Variants in FYN observed in about 807,000 individuals in gnomAD.
FYN encodes FYN proto-oncogene, Src family tyrosine kinase.
Under a neutral mutation model 70.2 loss-of-function variants are expected in FYN, and 10 were observed. That is an observed-to-expected ratio of 0.14 (90% CI 0.09 to 0.24). The LOEUF is 0.24. Ranked by LOEUF, FYN falls within the 10% of genes least tolerant of loss-of-function variation. The pLI is 1.00. For missense variants in FYN, 319 were observed against 673.1 expected (o/e 0.47, Z 5.82); for synonymous variants, 236 against 248.6 (o/e 0.95, Z 0.48).
Position 111,694,773 on chromosome 6 carries a change from G to C in FYN, c.1043-69C>G, listed in dbSNP as rs1799502700. 7.2e-7 allele frequency: 1 copy of C among 1,379,996 alleles called. No homozygotes were observed. The highest frequency in any genetic ancestry group is 1.3e-5 in the South Asian group (1 of 77,576). The allele number at this position is 1,379,996 out of a possible 1,614,324, so 85.5% of individuals were successfully genotyped here. A position where few individuals can be genotyped will look rare whatever the true frequency, so the allele number is the denominator to read the frequency against. On this transcript the variant is annotated intron_variant, in intron 10 of 13. Coordinates refer to ENST00000354650, the MANE Select transcript of FYN (RefSeq NM_002037.5). The surrounding 1 kb of genome is among the most constrained non-coding windows in gnomAD (Gnocchi z 5.0). ...AATTCCCAACAGAGAGCTGTATTTGGTTTTCTTATTAAAAGTAATAAGGTA... is the reference window on the plus strand; with the variant it reads ...AATTCCCAACAGAGAGCTGTATTTGCTTTTCTTATTAAAAGTAATAAGGTA...
chr6:111,705,560 T>C (rs1338847850), intron 6 of FYN, among the ~76,000 whole-genome samples: 1 of 152,020 alleles, frequency 6.6e-6, no homozygotes, highest in Non-Finnish European at 1.5e-5. Context: ...AAAATTTTTT[T>C]TGTAGAGGCT....
At chr6:111,844,448 T>G (rs1227290278) in intron 2 of FYN, among the ~76,000 whole-genome samples, 1 of 152,224 alleles carries the variant, frequency 6.6e-6, no homozygotes, top group Non-Finnish European at 1.5e-5. Flanking sequence ...GAAAAGTTGA[T>G]AGATCCGTGT....
At chr6:111,864,676 A>G (rs1000281387) in intron 1 of FYN, among the ~76,000 whole-genome samples, 10 of 152,196 alleles carry the variant, frequency 6.6e-5, no homozygotes, top group Non-Finnish European at 1.5e-4. Flanking sequence ...TGAGACTTCC[A>G]CGGTGGGTAA....
chr6:111,714,120 T>G (rs1324926395), intron 5 of FYN, among the ~76,000 whole-genome samples: 1 of 152,214 alleles, frequency 6.6e-6, no homozygotes, highest in Non-Finnish European at 1.5e-5. Flanking sequence ...ACATGGACTG[T>G]GCTAGTATTT....
intron 1 of FYN, among the ~76,000 whole-genome samples, chr6:111,847,575 T>A (rs1231019551): frequency 4.6e-5 from 7 of 152,142 alleles, no homozygotes; most frequent in African/African-American, 1.7e-4. Flanking sequence ...CTTAAGCTTT[T>A]CAATGTGACT....
intron 13 of FYN, among the ~76,000 whole-genome samples, chr6:111,667,609 G>A (rs1310813648): frequency 2.6e-5 from 4 of 152,154 alleles, no homozygotes; most frequent in African/African-American, 7.2e-5. Flanking sequence ...GCAGAGCACC[G>A]AAATAGATGT....
intron 3 of FYN, among the ~76,000 whole-genome samples, chr6:111,737,280 G>A (rs1329625178): frequency 6.6e-6 from 1 of 152,170 alleles, no homozygotes; most frequent in Non-Finnish European, 1.5e-5. Context: ...TAGAGATAGT[G>A]TCAGATCCTA....
At chr6:111,809,337 T>C (rs1296947749) in intron 2 of FYN, among the ~76,000 whole-genome samples, 4 of 152,320 alleles carry the variant, frequency 2.6e-5, no homozygotes, top group Non-Finnish European at 5.9e-5. Flanking sequence ...CATTCTCTAC[T>C]CTATGGTTAC....
At chr6:111,689,680 T>G (rs1398816536) in intron 12 of FYN, among the ~76,000 whole-genome samples, 1 of 151,912 alleles carries the variant, frequency 6.6e-6, no homozygotes, top group African/African-American at 2.4e-5. Context: ...GACACAAGAG[T>G]AATACTATAG....
Position 111,744,099 on chromosome 6 carries a change from C to CA in FYN, c.-11-24038dup, listed in dbSNP as rs1398236383. Among the ~76,000 whole-genome samples the CA allele has an allele frequency of 7.2e-5, 11 of 152,302 alleles. No homozygotes were observed. In the East Asian group the frequency reaches 2.1e-3, roughly 29 times the overall value. ...CCTTCATGAATAGCTGGAGAAGAGC[C>CA]ATCTTGCCTTCCCCAGAGGAATGAT... On this transcript the variant is annotated intron_variant, in intron 3 of 13. Transcript: ENST00000354650.
intron 2 of FYN, among the ~76,000 whole-genome samples, chr6:111,800,419 C>A (rs754404249): frequency 7.9e-5 from 12 of 152,064 alleles, no homozygotes; most frequent in Non-Finnish European, 1.6e-4. Context: ...GTCCTCACAG[C>A]CACTCACGGG....
At chr6:111,736,881 G>A (rs1420490128) in intron 3 of FYN, among the ~76,000 whole-genome samples, 3 of 152,156 alleles carry the variant, frequency 2.0e-5, no homozygotes, top group African/African-American at 7.2e-5. Context: ...TAAAAATACT[G>A]CTAACAATTA....
intron 12 of FYN, chr6:111,676,377 T>A (rs530009798): frequency 2.3e-4 from 35 of 152,368 alleles, no homozygotes; most frequent in African/African-American, 7.5e-4. Context: ...TATTTTTAAT[T>A]AGTTATGTTT....
intron 5 of FYN, among the ~76,000 whole-genome samples, chr6:111,711,950 C>CT (rs1314131692): frequency 6.6e-6 from 1 of 152,112 alleles, no homozygotes; most frequent in Non-Finnish European, 1.5e-5. Context: ...GGAAGAGAAC[C>CT]TTTGTAATAT....
At chr6:111,735,952 T>C (rs2128474880) in intron 3 of FYN, among the ~76,000 whole-genome samples, 1 of 152,308 alleles carries the variant, frequency 6.6e-6, no homozygotes, top group Non-Finnish European at 1.5e-5. Context: ...TTCATATCTT[T>C]TGGGGCTGGT....
intron 3 of FYN, among the ~76,000 whole-genome samples, chr6:111,731,933 C>T (rs1801476509): frequency 6.6e-6 from 1 of 152,066 alleles, no homozygotes; most frequent in African/African-American, 2.4e-5. Context: ...AAATTGAGTG[C>T]CAAGAGAGAC....
intron 1 of FYN, among the ~76,000 whole-genome samples, chr6:111,864,453 TAG>T (rs996851112): frequency 1.5e-4 from 23 of 152,300 alleles, no homozygotes; most frequent in African/African-American, 5.5e-4. Flanking sequence ...AATCATAAAA[TAG>T]AGTCCCTGAC....
chr6:111,766,511 A>C (rs1014719033), intron 3 of FYN, among the ~76,000 whole-genome samples: 3 of 152,236 alleles, frequency 2.0e-5, no homozygotes, highest in Admixed American at 6.5e-5. Context: ...CTTGCTGTCT[A>C]TATTAGTCCA....
intron 1 of FYN, among the ~76,000 whole-genome samples, chr6:111,870,874 TG>T (rs1191886622): frequency 1.3e-5 from 2 of 152,210 alleles, no homozygotes; most frequent in Non-Finnish European, 2.9e-5. Flanking sequence ...TGTGAGTTTA[TG>T]TGCTCTGGCT....
Sources: allele counts gnomAD v4.1 joint callset (sites outside exome capture counted in the v4.1 genomes callset), GRCh38; gene constraint gnomAD v4.1.1; non-coding constraint Gnocchi (gnomAD v3.1); transcripts MANE v1.5; gene names NCBI Gene and HGNC (gene_info 2026-07-23, HGNC 2026-07-21).